Variants in AOPEP observed in about 807,000 individuals in gnomAD.
AOPEP encodes the protein aminopeptidase O.
In AOPEP, 77 loss-of-function variants were observed where a neutral mutation model predicts 98.1. That is an observed-to-expected ratio of 0.78 (90% CI 0.65 to 0.95). The LOEUF is 0.95. Among genes scored for constraint, AOPEP ranks in the 40% least tolerant of loss-of-function variants. The probability of loss-of-function intolerance (pLI) is 0.00; values close to 1 mark genes in which losing one functional copy is unlikely to be tolerated. For synonymous variants in AOPEP, 346 were observed against 365.3 expected (o/e 0.95, Z 0.60); for missense variants, 1,024 against 1,024.7 (o/e 1.00, Z 0.01).
intron 13 of AOPEP, among the ~76,000 whole-genome samples, chr9:95,050,740 C>G (rs2066270188): frequency 6.6e-6 from 1 of 152,038 alleles, no homozygotes. Context: ...AAAATTTATG[C>G]TTAGTTTGGA....
At chr9:94,934,028 G>A (rs546050201) in intron 7 of AOPEP, among the ~76,000 whole-genome samples, 25 of 152,242 alleles carry the variant, frequency 1.6e-4, no homozygotes, top group African/African-American at 5.3e-4. Flanking sequence ...GATTACAGGC[G>A]TGAGCCACTG....
At chr9:94,820,036 C>T (rs1852699042) in intron 5 of AOPEP, among the ~76,000 whole-genome samples, 2 of 146,962 alleles carry the variant, frequency 1.4e-5, no homozygotes, top group Non-Finnish European at 1.5e-5. Context: ...ACCTCTGTCT[C>T]CCGGGTTTAA....
At chr9:95,124,509 TACTG>T in the AOPEP span, among the ~76,000 whole-genome samples, 3 of 152,198 alleles carry the variant, frequency 2.0e-5, no homozygotes, top group Non-Finnish European at 4.4e-5. Flanking sequence ...GCCTTTGGTT[TACTG>T]ACTGTGTCTA....
the AOPEP span, among the ~76,000 whole-genome samples, chr9:95,136,199 T>C: frequency 0.22 from 33,570 of 152,010 alleles, 4,778 homozygotes; most frequent in Non-Finnish European, 0.32. Flanking sequence ...AAGACCAGCC[T>C]GGTCAAATAG....
intron 5 of AOPEP, among the ~76,000 whole-genome samples, chr9:94,913,870 G>GT (rs1477920373): frequency 6.6e-6 from 1 of 152,220 alleles, no homozygotes; most frequent in Non-Finnish European, 1.5e-5. Flanking sequence ...TTAGTGGCTA[G>GT]TAATAACTGA....
At chr9:95,139,395 C>T in the AOPEP span, among the ~76,000 whole-genome samples, 1 of 152,118 alleles carries the variant, frequency 6.6e-6, no homozygotes, top group African/African-American at 2.4e-5. Flanking sequence ...AGACACACAG[C>T]CCCGTGTTAA....
chr9:95,081,642 A>T (rs569773935), intron 15 of AOPEP, among the ~76,000 whole-genome samples: 5 of 152,380 alleles, frequency 3.3e-5, no homozygotes, highest in African/African-American at 1.2e-4. Flanking sequence ...AGCAAGAGGT[A>T]TCTGGAAAAA....
chr9:95,138,199 T>C, the AOPEP span, among the ~76,000 whole-genome samples: 2 of 152,190 alleles, frequency 1.3e-5, no homozygotes, highest in African/African-American at 4.8e-5. Context: ...CTGGTAACAC[T>C]TGAAGCCAGG....
the AOPEP span, among the ~76,000 whole-genome samples, chr9:95,145,824 G>A: frequency 2.6e-5 from 4 of 151,952 alleles, no homozygotes; most frequent in Admixed American, 2.6e-4. Context: ...TCAAGAGGGC[G>A]GACATGCTTT....
chr9:95,005,123 C>T lies in AOPEP; in HGVS notation c.1978-35C>T, dbSNP rs762692357. ...GGGGCAGGGAGGCCGGGGCCGCTCCCGCGGTAAACTTGACTGTGTCCTCTT... is the reference window on the plus strand; with the variant it reads ...GGGGCAGGGAGGCCGGGGCCGCTCCTGCGGTAAACTTGACTGTGTCCTCTT... On this transcript the variant is annotated intron_variant, in intron 11 of 16. Transcript: ENST00000375315. The T allele has an allele frequency of 1.2e-5, 13 of 1,089,216 alleles. No individual in the cohort carries two copies. The Admixed American group carries it at 4.2e-4, about 35-fold the overall frequency. 67.5% of individuals were successfully genotyped at this position (1,089,216 alleles called of 1,614,324 possible).
At chr9:94,779,068 T>A (rs140857144) in intron 3 of AOPEP, among the ~76,000 whole-genome samples, 1 of 151,742 alleles carries the variant, frequency 6.6e-6, no homozygotes, top group Non-Finnish European at 1.5e-5. Flanking sequence ...TGTGCGGTGG[T>A]TAATTTTAGG....
intron 13 of AOPEP, among the ~76,000 whole-genome samples, chr9:95,041,445 G>GT (rs10639695): frequency 0.82 from 116,458 of 142,132 alleles, 48,113 homozygotes; most frequent in Non-Finnish European, 0.88. Flanking sequence ...GAGTCCTTGG[G>GT]GGTGTGTGTG....
intron 4 of AOPEP, among the ~76,000 whole-genome samples, chr9:94,796,267 T>C (rs1846910105): frequency 6.6e-6 from 1 of 152,210 alleles, no homozygotes; most frequent in Admixed American, 6.5e-5. Flanking sequence ...GACTGAGTTT[T>C]CCCTTCCTTT....
chr9:94,971,236 A>G (rs894696927), intron 10 of AOPEP, among the ~76,000 whole-genome samples: 1 of 152,132 alleles, frequency 6.6e-6, no homozygotes, highest in Non-Finnish European at 1.5e-5. Flanking sequence ...GTGGCCCCCA[A>G]TCACCAATCA....
chr9:94,890,149 T>C (rs570063808), intron 5 of AOPEP, among the ~76,000 whole-genome samples: 1 of 151,952 alleles, frequency 6.6e-6, no homozygotes, highest in Non-Finnish European at 1.5e-5. Flanking sequence ...TGCCTCAGCC[T>C]CCCGAGTAGC....
At chr9:95,065,526 G>T (rs926027043) in intron 14 of AOPEP, 1 of 152,250 alleles carries the variant, frequency 6.6e-6, no homozygotes, top group Non-Finnish European at 1.5e-5. Context: ...CGAATCCAGG[G>T]CCTCATTACT....
intron 13 of AOPEP, among the ~76,000 whole-genome samples, chr9:95,057,250 C>T (rs2066904986): frequency 6.6e-6 from 1 of 152,262 alleles, no homozygotes; most frequent in African/African-American, 2.4e-5. Context: ...GTATTAAACA[C>T]AGCTGGCCTT....
At chr9:95,132,624 C>A in the AOPEP span, among the ~76,000 whole-genome samples, 4 of 152,162 alleles carry the variant, frequency 2.6e-5, no homozygotes, top group Non-Finnish European at 5.9e-5. Context: ...GTCCACCGCA[C>A]GGAAGCCAAA....
At chr9:94,900,423 G>A (rs7025100) in intron 5 of AOPEP, 139,585 of 152,276 alleles carry the variant, frequency 0.92, 64,246 homozygotes, top group East Asian at 0.97. Context: ...TAGATGATCT[G>A]CTGAGGCCGG....
Sources: allele counts gnomAD v4.1 joint callset (sites outside exome capture counted in the v4.1 genomes callset), GRCh38; gene constraint gnomAD v4.1.1; transcripts MANE v1.5; gene names NCBI Gene and HGNC (gene_info 2026-07-23, HGNC 2026-07-21).